Variants in C1orf21 observed in about 807,000 individuals in gnomAD.
C1orf21 encodes chromosome 1 open reading frame 21, also known as uncharacterized protein C1orf21.
In C1orf21, 3 loss-of-function variants were observed where a neutral mutation model predicts 18.7. That is an observed-to-expected ratio of 0.16 (90% CI 0.07 to 0.42). The LOEUF (loss-of-function observed/expected upper bound fraction) is 0.42, where lower values mean the gene tolerates loss of function less well. C1orf21 is among the 10% of genes least tolerant of loss of function. The probability of loss-of-function intolerance (pLI) is 0.99; values close to 1 mark genes in which losing one functional copy is unlikely to be tolerated. For synonymous variants in C1orf21, 41 were observed against 46.4 expected (o/e 0.88, Z 0.47); for missense variants, 104 against 143.6 (o/e 0.72, Z 1.41).
chr1:184,460,913 C>T (rs1050469912), intron 1 of C1orf21, among the ~76,000 whole-genome samples: 2 of 152,002 alleles, frequency 1.3e-5, no homozygotes, highest in Non-Finnish European at 2.9e-5. Context: ...GCTCTGAATT[C>T]TGTGGCTTTC....
intron 3 of C1orf21, among the ~76,000 whole-genome samples, chr1:184,586,650 A>T (rs1350599456): frequency 6.6e-6 from 1 of 151,984 alleles, no homozygotes; most frequent in Non-Finnish European, 1.5e-5. Flanking sequence ...TTCCTTATTG[A>T]TGCTGGATAT....
intron 1 of C1orf21, among the ~76,000 whole-genome samples, chr1:184,447,893 A>T (rs1657057765): frequency 6.6e-6 from 1 of 152,118 alleles, no homozygotes; most frequent in African/African-American, 2.4e-5. Flanking sequence ...GCCCTTCATT[A>T]TCCAACCCTG....
At chr1:184,418,869 A>G (rs1378853537) in intron 1 of C1orf21, among the ~76,000 whole-genome samples, 2 of 152,068 alleles carry the variant, frequency 1.3e-5, no homozygotes, top group African/African-American at 4.8e-5. Context: ...ACATTCTACT[A>G]CTGTTGGTTT....
At chr1:184,423,739 C>T (rs1442505396) in intron 1 of C1orf21, among the ~76,000 whole-genome samples, 1 of 151,984 alleles carries the variant, frequency 6.6e-6, no homozygotes, top group Admixed American at 6.6e-5. Context: ...TCCTTTCTTC[C>T]TTTCTCCCTA....
intron 2 of C1orf21, among the ~76,000 whole-genome samples, chr1:184,494,678 G>T (rs188379983): frequency 6.6e-6 from 1 of 152,168 alleles, no homozygotes; most frequent in African/African-American, 2.4e-5. Flanking sequence ...CTTTAGTGGT[G>T]GCTTGCAGGA....
chr1:184,473,335 G>A (rs993302726), intron 1 of C1orf21, among the ~76,000 whole-genome samples: 14 of 152,276 alleles, frequency 9.2e-5, no homozygotes, highest in Middle Eastern at 3.4e-3. Flanking sequence ...GCTCCAGGTC[G>A]TGGTCTCTGC....
At chr1:184,481,735 T>C (rs902956083) in intron 2 of C1orf21, among the ~76,000 whole-genome samples, 3 of 152,186 alleles carry the variant, frequency 2.0e-5, no homozygotes, top group African/African-American at 7.2e-5. Context: ...CTAACATAAA[T>C]ATTAGGAAGT....
chr1:184,529,980 T>C (rs184056102), intron 3 of C1orf21, among the ~76,000 whole-genome samples: 8 of 152,314 alleles, frequency 5.3e-5, no homozygotes, highest in Admixed American at 4.6e-4. Flanking sequence ...TTGCACTCTT[T>C]ACCATATCTT....
rs1429065906 is a variant in C1orf21, at chr1:184,625,000, C to T, written c.*5444C>T. 6.6e-6 allele frequency: 1 copy of T among 152,222 alleles called. No homozygotes were observed. Among genetic ancestry groups the T allele is most frequent in the East Asian group, 1.9e-4 (1 of 5,194 alleles). 9.4% of individuals were successfully genotyped at this position (152,222 alleles called of 1,614,324 possible). On this transcript the variant is annotated 3_prime_UTR_variant, in exon 6 of 6. Transcript: ENST00000235307. ...CCTTTGAAATCTGGCCCCCAAGATC[C>T]TGCTTCTTTCTAACCTGGCAGCTGT...
chr1:184,495,664 G>A (rs1657882885), intron 2 of C1orf21, among the ~76,000 whole-genome samples: 1 of 152,124 alleles, frequency 6.6e-6, no homozygotes, highest in African/African-American at 2.4e-5. Context: ...GCTCATGCGT[G>A]TAATTCCAGC....
intron 3 of C1orf21, among the ~76,000 whole-genome samples, chr1:184,538,506 T>C (rs1358426102): frequency 6.6e-6 from 1 of 152,218 alleles, no homozygotes; most frequent in African/African-American, 2.4e-5. Flanking sequence ...CCTGTGACTT[T>C]GGTGTCATTG....
intron 2 of C1orf21, among the ~76,000 whole-genome samples, chr1:184,480,029 A>T (rs191824899): frequency 6.6e-6 from 1 of 152,322 alleles, no homozygotes; most frequent in East Asian, 1.9e-4. Context: ...AAACCTTGCC[A>T]TCTAGGACTT....
rs1655912249 is a variant in C1orf21 at position 184,387,876 on chromosome 1, G to A, written c.-125+508G>A. Among the ~76,000 whole-genome samples, 1 of 152,192 alleles carries A rather than the reference G, an allele frequency of 6.6e-6. No individual in the cohort carries two copies. Among genetic ancestry groups the A allele is most frequent in the Non-Finnish European group, 1.5e-5 (1 of 68,036 alleles). On this transcript the variant is annotated intron_variant, in intron 1 of 5. Transcript: ENST00000235307. This position sits in a 1 kb window ranked among gnomAD's most constrained non-coding sequence, Gnocchi z 5.6. ...TCCGACTGATTGATGTGTTTGTGTG[G>A]GTGGTTTGACCCCCGGGATTTCTGA...
At chr1:184,573,683 A>G (rs987409059) in intron 3 of C1orf21, among the ~76,000 whole-genome samples, 18 of 152,194 alleles carry the variant, frequency 1.2e-4, no homozygotes, top group African/African-American at 4.1e-4. Context: ...TGAAAAAATA[A>G]TATGATAAGT....
At chr1:184,422,740 C>T (rs1008736641) in intron 1 of C1orf21, among the ~76,000 whole-genome samples, 3 of 152,160 alleles carry the variant, frequency 2.0e-5, no homozygotes, top group African/African-American at 4.8e-5. Context: ...ATTTTCTTCC[C>T]GTACATATCT....
chr1:184,537,857 C>T (rs1398959880), intron 3 of C1orf21, among the ~76,000 whole-genome samples: 1 of 152,102 alleles, frequency 6.6e-6, no homozygotes, highest in East Asian at 1.9e-4. Flanking sequence ...TCATGTTGGT[C>T]AGGCTGGTCT....
chr1:184,426,098 C>T lies in C1orf21; in HGVS notation c.-125+38730C>T, dbSNP rs148013415. ...ATGTTGGAAAGGGCAGGGCCAAGGG[C>T]GGAGCCCTGGAGAAATGTGGCCCTG... is the stretch of plus-strand genomic sequence containing the variant. On this transcript the variant is annotated intron_variant, in intron 1 of 5. Coordinates refer to ENST00000235307, the MANE Select transcript of C1orf21 (RefSeq NM_030806.4). Among the ~76,000 whole-genome samples, 578 of 152,336 alleles carry T rather than the reference C, an allele frequency of 3.8e-3. 4 individuals carry two copies. The highest frequency in any genetic ancestry group is 6.0e-3 in the Non-Finnish European group (410 of 68,034).
In C1orf21 at chr1:184,597,211, C is replaced by T. The variant is rs934679350; in HGVS notation, c.267-1190C>T. On this transcript the variant is annotated intron_variant, in intron 4 of 5. Coordinates refer to ENST00000235307, the MANE Select transcript of C1orf21 (RefSeq NM_030806.4). Reference sequence around the variant, plus strand: ...GATCAGATAAAGGGCAGTAAAATTACGTGATATATGTGAAAGTGCTTTGTA... The same window carrying T: ...GATCAGATAAAGGGCAGTAAAATTATGTGATATATGTGAAAGTGCTTTGTA... Among the ~76,000 whole-genome samples, 5 of 152,176 alleles carry T rather than the reference C, an allele frequency of 3.3e-5. 1 individual carries two copies. The highest frequency in any genetic ancestry group is 2.4e-5 in the African/African-American group (1 of 41,434).
chr1:184,436,765 T>TGTGCTGGGAATA lies in C1orf21; in HGVS notation c.-124-40620_-124-40609dup, dbSNP rs1656864892. ...CCCGTGGCAGGTATTGATTGGGCTT[T>TGTGCTGGGAATA]GTGCTGGGAATATGGCTGCAGACAA... On this transcript the variant is annotated intron_variant, in intron 1 of 5. Transcript: ENST00000235307. 2.6e-5 allele frequency among the ~76,000 whole-genome samples: 4 copies of TGTGCTGGGAATA among 152,240 alleles called. No homozygotes were observed. The South Asian group carries it at 8.3e-4, about 32-fold the overall frequency.
Sources: allele counts gnomAD v4.1 joint callset (sites outside exome capture counted in the v4.1 genomes callset), GRCh38; gene constraint gnomAD v4.1.1; non-coding constraint Gnocchi (gnomAD v3.1); transcripts MANE v1.5; gene names NCBI Gene and HGNC (gene_info 2026-07-23, HGNC 2026-07-21).